Variants in OR5D16 observed in about 807,000 individuals in gnomAD.
The protein encoded by OR5D16 is olfactory receptor 5D16.
For missense variants in OR5D16, 477 were observed against 385.5 expected (o/e 1.24, Z -1.99); for synonymous variants, 185 against 153.2 (o/e 1.21, Z -1.53).
At position 55,839,649 on chromosome 11, in the gene OR5D16, A is replaced by C; in HGVS notation, c.898A>C (p.Lys300Gln). ...CTACAGTCTGAGAAATAAAGATGTT[A>C]AGGATGCAATCCGAAAAATAATCAA... ...LIYSLRNKDVKDAIRKIINTK... is the reference protein window; with the variant it reads ...LIYSLRNKDVQDAIRKIINTK... Residue 300 changes from lysine (K) to glutamine (Q), a missense_variant, in exon 1 of 1, where the codon AAG becomes CAG. By Grantham distance (53) the Lys-to-Gln change is moderately conservative. Transcript: ENST00000378396. 6.2e-7 allele frequency: 1 copy of C among 1,613,352 alleles called. No homozygotes were observed. Among genetic ancestry groups the C allele is most frequent in the Non-Finnish European group, 8.5e-7 (1 of 1,179,370 alleles).
Position 55,838,950 on chromosome 11 carries a change from C to A in OR5D16, c.199C>A (p.His67Asn), listed in dbSNP as rs906213098. 1 of 1,613,926 alleles carries A rather than the reference C, an allele frequency of 6.2e-7. No individual in the cohort carries two copies. The highest frequency in any genetic ancestry group is 8.5e-7 in the Non-Finnish European group (1 of 1,179,906). ...TACCCCCATGTATTTTTTCCTCAAC[C>A]ACCTCTCCTTTGTGGATTTCTGCTA... is the stretch of plus-strand genomic sequence containing the variant. ...LHTPMYFFLN[H>N]LSFVDFCYSS... Residue 67 changes from histidine to asparagine, a missense_variant, in exon 1 of 1, where the codon CAC becomes AAC. By Grantham distance (68) the His-to-Asn change is moderately conservative (BLOSUM62 1). Transcript: ENST00000378396.
At position 55,838,783 on chromosome 11, in the gene OR5D16, A is replaced by G; in HGVS notation, c.32A>G (p.Glu11Gly). 6.2e-7 allele frequency: 1 copy of G among 1,612,116 alleles called. No homozygotes were observed. The highest frequency in any genetic ancestry group is 1.1e-5 in the South Asian group (1 of 90,692). ...CTGACAGAGAGAAATACGACATCTG[A>G]GGCCACATTCACTCTCTTGGGCTTC... MFLTERNTTS[E>G]ATFTLLGFSD... Residue 11 changes from glutamate (E) to glycine (G), a missense_variant, in exon 1 of 1, where the codon GAG becomes GGG. Coordinates refer to ENST00000378396, the MANE Select transcript of OR5D16 (RefSeq NM_001005496.1).
chr11:55,839,688 C>A lies in OR5D16; in HGVS notation c.937C>A (p.His313Asn), dbSNP rs763541434. 2.8e-5 allele frequency: 44 copies of A among 1,599,008 alleles called. No homozygotes were observed. The highest frequency in any genetic ancestry group is 3.4e-5 in the Non-Finnish European group (40 of 1,167,476). Reference protein sequence around the residue: ...IRKIINTKYFHIKHRHWYPFN... With the variant: ...IRKIINTKYFNIKHRHWYPFN... ...AAAAATAATCAATACAAAATATTTT[C>A]ATATTAAACATAGGCATTGGTATCC... The change falls in exon 1 of 1, where the codon CAT becomes AAT. Residue 313 changes from histidine to asparagine, a missense_variant. His to Asn is a moderately conservative substitution (Grantham distance 68). Coordinates refer to ENST00000378396, the MANE Select transcript of OR5D16 (RefSeq NM_001005496.1).
chr11:55,839,206 C>A lies in OR5D16; in HGVS notation c.455C>A (p.Ala152Glu). Residue 152 changes from alanine (A) to glutamate (E), a missense_variant, in exon 1 of 1, where the codon GCA (alanine) becomes GAA (glutamate). Transcript: ENST00000378396. ...GCCATGCTGGTGGTTGTATTGTATG[C>A]ATGGGGAGTCGCATGTTCCCTGACA... Reference protein sequence around the residue: ...LCAMLVVVLYAWGVACSLTLA... With the variant: ...LCAMLVVVLYEWGVACSLTLA... 6.2e-7 allele frequency: 1 copy of A among 1,613,928 alleles called. No individual in the cohort carries two copies. The highest frequency in any genetic ancestry group is 8.5e-7 in the Non-Finnish European group (1 of 1,179,950).
Position 55,839,024 on chromosome 11 carries a change from T to TAG in OR5D16, c.275_276dup (p.Thr93GlufsTer19). ...TGCTGGTGAACCTGGTTGTAGAAGA[T>TAG]AGAACCATTTCATTCTCAGGATGTT... On this transcript the variant is annotated frameshift_variant, in exon 1 of 1. Transcript: ENST00000378396. LOFTEE classifies it low-confidence loss of function (END_TRUNC). 1 of 1,614,130 alleles carries TAG rather than the reference T, an allele frequency of 6.2e-7. No homozygotes were observed.
Position 55,839,565 on chromosome 11 carries a change from ACAGT to A in OR5D16, c.817_820del (p.Val273LysfsTer10), listed in dbSNP as rs1565126717. ...ACCCAACTCCAAAAACTCCAGGCAC[ACAGT>A]CAAAGTGGCCTCTGTGTTTTACACC... is the stretch of plus-strand genomic sequence containing the variant. On this transcript the variant is annotated frameshift_variant, in exon 1 of 1. Coordinates refer to ENST00000378396, the MANE Select transcript of OR5D16 (RefSeq NM_001005496.1). LOFTEE classifies it low-confidence loss of function (END_TRUNC). The A allele has an allele frequency of 1.2e-6, 2 of 1,614,068 alleles. No homozygotes were observed. The highest frequency in any genetic ancestry group is 2.2e-5 in the South Asian group (2 of 91,086).
In OR5D16 at chr11:55,839,601, A is replaced by G. The variant is rs1202825303; in HGVS notation, c.850A>G (p.Ile284Val). Residue 284 changes from isoleucine (I) to valine (V), a missense_variant, in exon 1 of 1, where the codon ATC (isoleucine) becomes GTC (valine). Physicochemically the swap from Ile to Val is conservative, Grantham distance 29. Coordinates refer to ENST00000378396, the MANE Select transcript of OR5D16 (RefSeq NM_001005496.1). ...KVASVFYTVV[I>V]PLLNPLIYSL... is the part of the protein sequence containing the mutation. Reference sequence around the variant, plus strand: ...GGCCTCTGTGTTTTACACCGTGGTGATCCCCTTGTTGAATCCCCTGATCTA... The same window carrying G: ...GGCCTCTGTGTTTTACACCGTGGTGGTCCCCTTGTTGAATCCCCTGATCTA... The G allele has an allele frequency of 6.2e-7, 1 of 1,614,012 alleles. No individual in the cohort carries two copies. The highest frequency in any genetic ancestry group is 1.1e-5 in the South Asian group (1 of 91,084).
In OR5D16 at chr11:55,838,817, C is replaced by T. The variant is rs773721089; in HGVS notation, c.66C>T (p.Tyr22=). The T allele has an allele frequency of 1.2e-6, 2 of 1,613,680 alleles. No homozygotes were observed. Among genetic ancestry groups the T allele is most frequent in the Non-Finnish European group, 1.7e-6 (2 of 1,179,668 alleles). The change falls in exon 1 of 1, where the codon TAC becomes TAT. Residue 22 remains tyrosine, a synonymous_variant. Transcript: ENST00000378396. ...ATFTLLGFSD[Y]LELQIPLFFV... Reference sequence around the variant, plus strand: ...TCACTCTCTTGGGCTTCTCAGATTACCTGGAACTGCAAATTCCCCTCTTCT... The same window carrying T: ...TCACTCTCTTGGGCTTCTCAGATTATCTGGAACTGCAAATTCCCCTCTTCT...
chr11:55,839,515 G>A lies in OR5D16; in HGVS notation c.764G>A (p.Gly255Asp). Residue 255 changes from glycine (G) to aspartate (D), a missense_variant, in exon 1 of 1, where the codon GGC (glycine) becomes GAC (aspartate). Coordinates refer to ENST00000378396, the MANE Select transcript of OR5D16 (RefSeq NM_001005496.1). ...SHLTAITIFH[G>D]TILFLYCVPN... ...CTGACTGCCATCACCATCTTCCATGGCACCATCCTCTTCCTCTACTGTGTA... is the reference window on the plus strand; with the variant it reads ...CTGACTGCCATCACCATCTTCCATGACACCATCCTCTTCCTCTACTGTGTA... 1 of 1,613,916 alleles carries A rather than the reference G, an allele frequency of 6.2e-7. No individual in the cohort carries two copies. Among genetic ancestry groups the A allele is most frequent in the Non-Finnish European group, 8.5e-7 (1 of 1,179,942 alleles).
rs1395040937 is a variant in OR5D16, at chr11:55,839,198, A to G, written c.447A>G (p.Val149=). The G allele has an allele frequency of 1.9e-6, 3 of 1,613,920 alleles. No individual in the cohort carries two copies. The highest frequency in any genetic ancestry group is 2.5e-6 in the Non-Finnish European group (3 of 1,179,974). Residue 149 remains valine, a synonymous_variant, in exon 1 of 1, where the codon GTA becomes GTG. Coordinates refer to ENST00000378396, the MANE Select transcript of OR5D16 (RefSeq NM_001005496.1). ...AACTCTGTGCCATGCTGGTGGTTGT[A>G]TTGTATGCATGGGGAGTCGCATGTT... ...SQKLCAMLVV[V]LYAWGVACSL...
chr11:55,839,235 GCGTGCTCTGCTTTAAAGTTATCTTTTCAT>G lies in OR5D16; in HGVS notation c.485_513del (p.Ala162GlyfsTer11). 1 of 1,613,872 alleles carries G rather than the reference GCGTGCTCTGCTTTAAAGTTATCTTTTCAT, an allele frequency of 6.2e-7. No individual in the cohort carries two copies. The highest frequency in any genetic ancestry group is 2.2e-5 in the East Asian group (1 of 44,866). On this transcript the variant is annotated frameshift_variant, in exon 1 of 1. Transcript: ENST00000378396. LOFTEE classifies it low-confidence loss of function (END_TRUNC). ...GGGAGTCGCATGTTCCCTGACACTC[GCGTGCTCTGCTTTAAAGTTATCTTTTCAT>G]GGTTTCAACACAATCAATCATTTCT...
At position 55,838,786 on chromosome 11, in the gene OR5D16, C is replaced by T; in HGVS notation, c.35C>T (p.Ala12Val). 1.2e-6 allele frequency: 2 copies of T among 1,612,496 alleles called. No individual in the cohort carries two copies. The highest frequency in any genetic ancestry group is 1.7e-6 in the Non-Finnish European group (2 of 1,179,182). Reference protein sequence around the residue: ...FLTERNTTSEATFTLLGFSDY... With the variant: ...FLTERNTTSEVTFTLLGFSDY... The stretch of plus-strand genomic sequence containing the variant: ...ACAGAGAGAAATACGACATCTGAGG[C>T]CACATTCACTCTCTTGGGCTTCTCA... Residue 12 changes from alanine (A) to valine (V), a missense_variant, in exon 1 of 1, where the codon GCC (alanine) becomes GTC (valine). Transcript: ENST00000378396.
rs757371587 is a variant in OR5D16, at chr11:55,839,402, G to T, written c.651G>T (p.Leu217=). Reference sequence around the variant, plus strand: ...AGATAAGCACACTACTCATCATTCTGACATCTTATGCATTCATCATTGTCA... The same window carrying T: ...AGATAAGCACACTACTCATCATTCTTACATCTTATGCATTCATCATTGTCA... The part of the protein sequence containing the change: ...FNEISTLLII[L]TSYAFIIVTT... Residue 217 remains leucine (L), a synonymous_variant, in exon 1 of 1, where the codon CTG becomes CTT. Coordinates refer to ENST00000378396, the MANE Select transcript of OR5D16 (RefSeq NM_001005496.1). The T allele has an allele frequency of 1.2e-6, 2 of 1,613,938 alleles. No homozygotes were observed. Among genetic ancestry groups the T allele is most frequent in the Non-Finnish European group, 1.7e-6 (2 of 1,179,928 alleles).
rs762979240 is a variant in OR5D16, at chr11:55,839,567, A to T, written c.816A>T (p.Thr272=). 1 of 1,613,944 alleles carries T rather than the reference A, an allele frequency of 6.2e-7. No homozygotes were observed. The highest frequency in any genetic ancestry group is 1.1e-5 in the South Asian group (1 of 91,086). Residue 272 remains threonine (T), a synonymous_variant, in exon 1 of 1, where the codon ACA becomes ACT. Coordinates refer to ENST00000378396, the MANE Select transcript of OR5D16 (RefSeq NM_001005496.1). The part of the protein sequence containing the change: ...CVPNSKNSRH[T]VKVASVFYTV... ...CCAACTCCAAAAACTCCAGGCACAC[A>T]GTCAAAGTGGCCTCTGTGTTTTACA...
rs1320725422 is a variant in OR5D16 at position 55,839,720 on chromosome 11, T to C, written c.969T>C (p.Asn323=). 6 of 1,582,586 alleles carry C rather than the reference T, an allele frequency of 3.8e-6. No individual in the cohort carries two copies. The highest frequency in any genetic ancestry group is 5.2e-6 in the Non-Finnish European group (6 of 1,157,268). Residue 323 remains asparagine, a synonymous_variant, in exon 1 of 1, where the codon AAT becomes AAC. Coordinates refer to ENST00000378396, the MANE Select transcript of OR5D16 (RefSeq NM_001005496.1). ...AACATAGGCATTGGTATCCATTTAA[T>C]TTTGTTATTGAACAATAAATTTTTC... ...HIKHRHWYPF[N]FVIEQ
chr11:55,839,719 A>G lies in OR5D16; in HGVS notation c.968A>G (p.Asn323Ser). 6.3e-7 allele frequency: 1 copy of G among 1,581,904 alleles called. No homozygotes were observed. The highest frequency in any genetic ancestry group is 8.6e-7 in the Non-Finnish European group (1 of 1,156,652). ...HIKHRHWYPF[N>S]FVIEQ ...AAACATAGGCATTGGTATCCATTTAATTTTGTTATTGAACAATAAATTTTT... is the reference window on the plus strand; with the variant it reads ...AAACATAGGCATTGGTATCCATTTAGTTTTGTTATTGAACAATAAATTTTT... Residue 323 changes from asparagine (N) to serine (S), a missense_variant, in exon 1 of 1, where the codon AAT (asparagine) becomes AGT (serine). Transcript: ENST00000378396.
Position 55,838,928 on chromosome 11 carries a change from C to T in OR5D16, c.177C>T (p.Thr59=). 6.2e-7 allele frequency: 1 copy of T among 1,613,790 alleles called. No individual in the cohort carries two copies. Among genetic ancestry groups the T allele is most frequent in the Non-Finnish European group, 8.5e-7 (1 of 1,179,844 alleles). The part of the protein sequence containing the change: ...VIIKINPKLH[T]PMYFFLNHLS... ...TCAAAATTAACCCAAAATTGCATAC[C>T]CCCATGTATTTTTTCCTCAACCACC... Residue 59 remains threonine (T), a synonymous_variant, in exon 1 of 1, where the codon ACC becomes ACT. Transcript: ENST00000378396.
At position 55,839,285 on chromosome 11, in the gene OR5D16, T is replaced by C. The variant is rs1274306306; in HGVS notation, c.534T>C (p.His178=). ...LSFHGFNTIN[H]FFCELSSLIS... ...TTCATGGTTTCAACACAATCAATCA[T>C]TTCTTCTGTGAGTTATCCTCCCTGA... The change falls in exon 1 of 1, where the codon CAT becomes CAC. Residue 178 remains histidine, a synonymous_variant. Transcript: ENST00000378396. 6.2e-7 allele frequency: 1 copy of C among 1,614,024 alleles called. No individual in the cohort carries two copies. The highest frequency in any genetic ancestry group is 8.5e-7 in the Non-Finnish European group (1 of 1,179,952).
Position 55,839,080 on chromosome 11 carries a change from T to C in OR5D16, c.329T>C (p.Val110Ala), listed in dbSNP as rs1225683032. 1.2e-5 allele frequency: 20 copies of C among 1,613,982 alleles called. No homozygotes were observed. The highest frequency in any genetic ancestry group is 1.7e-5 in the Non-Finnish European group (20 of 1,179,992). ...CAATTCTTTTTCTTTTGCACCTTTG[T>C]AGTGACTGAATTAATTCTATTTGCG... ...LVQFFFFCTFVVTELILFAVM... is the reference protein window; with the variant it reads ...LVQFFFFCTFAVTELILFAVM... Residue 110 changes from valine to alanine, a missense_variant, in exon 1 of 1, where the codon GTA (valine) becomes GCA (alanine). Transcript: ENST00000378396.
Sources: allele counts gnomAD v4.1 joint callset, GRCh38; gene constraint gnomAD v4.1.1; transcripts MANE v1.5; gene names NCBI Gene and HGNC (gene_info 2026-07-23, HGNC 2026-07-21).